Variants in LDLRAP1 observed in about 807,000 individuals in gnomAD.
The protein encoded by LDLRAP1 is low density lipoprotein receptor adaptor protein 1.
In LDLRAP1, 30 loss-of-function variants were observed where a neutral mutation model predicts 37.8. The ratio of observed to expected loss-of-function variants is 0.79; its 90% confidence interval spans 0.59 to 1.08. LDLRAP1 has a LOEUF of 1.08. LDLRAP1 is among the 50% of genes least tolerant of loss of function. LDLRAP1 has a pLI of 0.00. For missense variants in LDLRAP1, 375 were observed against 401.6 expected (o/e 0.93, Z 0.57); for synonymous variants, 156 against 169.8 (o/e 0.92, Z 0.63).
rs1557700977 is a variant in LDLRAP1 at position 25,554,853 on chromosome 1, T to C, written c.232-7T>C. 6.2e-7 allele frequency: 1 copy of C among 1,612,326 alleles called. No individual in the cohort carries two copies. The highest frequency in any genetic ancestry group is 1.3e-5 in the African/African-American group (1 of 74,894). On this transcript the variant is annotated splice_polypyrimidine_tract_variant and splice_region_variant and intron_variant, in intron 2 of 8. Coordinates refer to ENST00000374338, the MANE Select transcript of LDLRAP1 (RefSeq NM_015627.3). The surrounding 1 kb of genome is among the most constrained non-coding windows in gnomAD (Gnocchi z 5.4). ...GCAGACTCCTCTGACTCCTGTCTGCTCCCAAGGCTAAGGCCAGTGGGAAGA... is the reference window on the plus strand; with the variant it reads ...GCAGACTCCTCTGACTCCTGTCTGCCCCCAAGGCTAAGGCCAGTGGGAAGA...
chr1:25,556,952 T>A (rs1333568559), intron 3 of LDLRAP1, among the ~76,000 whole-genome samples: 2 of 152,150 alleles, frequency 1.3e-5, no homozygotes, highest in African/African-American at 4.8e-5. Context: ...CCCCATTCCT[T>A]CCTTCCTGCC....
At chr1:25,584,376 G>A in the LDLRAP1 span, among the ~76,000 whole-genome samples, 1 of 151,884 alleles carries the variant, frequency 6.6e-6, no homozygotes, top group Non-Finnish European at 1.5e-5. Flanking sequence ...GTTCTCTGCT[G>A]GCCTCAGCAA....
chr1:25,587,135 C>T, the LDLRAP1 span, among the ~76,000 whole-genome samples: 1 of 152,044 alleles, frequency 6.6e-6, no homozygotes, highest in Non-Finnish European at 1.5e-5. Flanking sequence ...TCATGATTCA[C>T]TTCTATTTTG....
downstream of LDLRAP1, among the ~76,000 whole-genome samples, chr1:25,570,022 C>T (rs1287914212): frequency 6.6e-6 from 1 of 152,250 alleles, no homozygotes; most frequent in Non-Finnish European, 1.5e-5. Context: ...TTCCCCAGGC[C>T]TCTGCCCCTC....
the LDLRAP1 span, among the ~76,000 whole-genome samples, chr1:25,582,380 A>T: frequency 3.9e-3 from 592 of 152,150 alleles, 10 homozygotes; most frequent in Non-Finnish European, 2.6e-3. Context: ...AGATATGGAG[A>T]TCGAGACCAT....
At chr1:25,573,373 C>T (rs1024417122), downstream of LDLRAP1, among the ~76,000 whole-genome samples, 3 of 152,146 alleles carry the variant, frequency 2.0e-5, no homozygotes, top group Non-Finnish European at 2.9e-5. Flanking sequence ...CCTGGCAGGG[C>T]GAGGGTGCAG....
chr1:25,567,436 A>AT lies in LDLRAP1; in HGVS notation c.*449dup, dbSNP rs397860393. On this transcript the variant is annotated 3_prime_UTR_variant, in exon 9 of 9. Transcript: ENST00000374338. ...TCCTGAAAGCTGTTGGATTTCAGTGATTTTTCCCCCCACCCCCCAGCACAG... is the reference window on the plus strand; with the variant it reads ...TCCTGAAAGCTGTTGGATTTCAGTGATTTTTTCCCCCCACCCCCCAGCACAG... 8 of 303,784 alleles carry AT rather than the reference A, an allele frequency of 2.6e-5. No homozygotes were observed. The highest frequency in any genetic ancestry group is 1.1e-4 in the African/African-American group (5 of 44,648). The allele number at this position is 303,784 out of a possible 1,614,324, so 18.8% of individuals were successfully genotyped here.
At chr1:25,560,518 A>G (rs2044318299) in intron 4 of LDLRAP1, among the ~76,000 whole-genome samples, 1 of 152,154 alleles carries the variant, frequency 6.6e-6, no homozygotes, top group South Asian at 2.1e-4. Context: ...TGAAGGTGTC[A>G]TGCAGGTGCT....
At chr1:25,549,294 G>A (rs2044012967) in intron 1 of LDLRAP1, among the ~76,000 whole-genome samples, 1 of 152,222 alleles carries the variant, frequency 6.6e-6, no homozygotes, top group South Asian at 2.1e-4. Flanking sequence ...TCTGGCCTCT[G>A]AGGCCATCTC....
chr1:25,557,393 C>T, intron 4 of LDLRAP1, 126 bp downstream of exon 4: 1 of 746,680 alleles, frequency 1.3e-6, no homozygotes, highest in South Asian at 1.6e-5. Context: ...AGGGTGAAAT[C>T]TCTGGGAACC....
the LDLRAP1 span, among the ~76,000 whole-genome samples, chr1:25,574,304 G>A: frequency 6.6e-6 from 1 of 152,226 alleles, no homozygotes; most frequent in Non-Finnish European, 1.5e-5. Flanking sequence ...GCAGGGCTCA[G>A]TGTGGGGTCT....
chr1:25,557,463 C>T (rs896386089), intron 4 of LDLRAP1, 196 bp downstream of exon 4: 19 of 602,346 alleles, frequency 3.2e-5, no homozygotes, highest in East Asian at 8.4e-5. Context: ...GCAGGTGAAC[C>T]GCCGGTCAGC....
intron 1 of LDLRAP1, among the ~76,000 whole-genome samples, chr1:25,550,343 C>T (rs1029888750): frequency 5.9e-5 from 9 of 152,164 alleles, no homozygotes; most frequent in Admixed American, 5.2e-4. Context: ...AGCATTGGAG[C>T]TGATATCTTA....
the LDLRAP1 span, among the ~76,000 whole-genome samples, chr1:25,576,383 G>A: frequency 4.6e-5 from 7 of 151,784 alleles, no homozygotes; most frequent in Admixed American, 2.0e-4. Context: ...AAAATAAGCC[G>A]GGTGTGGTGG....
rs2124706777 is a variant in LDLRAP1, at chr1:25,568,766, C to T, written c.*1774C>T. ...GAGCCACGCTGGCCTTCGTCTCCATCTCTGGTTGACGGGCTGTCCGTGTGC... is the reference window on the plus strand; with the variant it reads ...GAGCCACGCTGGCCTTCGTCTCCATTTCTGGTTGACGGGCTGTCCGTGTGC... On this transcript the variant is annotated 3_prime_UTR_variant, in exon 9 of 9. Coordinates refer to ENST00000374338, the MANE Select transcript of LDLRAP1 (RefSeq NM_015627.3). 2 of 152,396 alleles carry T rather than the reference C, an allele frequency of 1.3e-5. No individual in the cohort carries two copies. Among genetic ancestry groups the T allele is most frequent in the South Asian group, 4.1e-4 (2 of 4,828 alleles). The allele number at this position is 152,396 out of a possible 1,614,324, so 9.4% of individuals were successfully genotyped here.
At chr1:25,578,722 G>A in the LDLRAP1 span, among the ~76,000 whole-genome samples, 1 of 152,126 alleles carries the variant, frequency 6.6e-6, no homozygotes, top group Non-Finnish European at 1.5e-5. Flanking sequence ...TCACCATGTT[G>A]CCCAGGCTGG....
At chr1:25,579,540 T>C in the LDLRAP1 span, among the ~76,000 whole-genome samples, 575 of 152,326 alleles carry the variant, frequency 3.8e-3, 3 homozygotes, top group Non-Finnish European at 5.1e-3. Context: ...GATAAGAGAA[T>C]TGTTTTCAGC....
chr1:25,547,507 A>G (rs1023544651), intron 1 of LDLRAP1, among the ~76,000 whole-genome samples: 32 of 151,642 alleles, frequency 2.1e-4, no homozygotes, highest in African/African-American at 7.5e-4. Context: ...TAAATAAATA[A>G]ATAAATAAAT....
At chr1:25,586,362 T>C in the LDLRAP1 span, among the ~76,000 whole-genome samples, 1 of 152,156 alleles carries the variant, frequency 6.6e-6, no homozygotes, top group Non-Finnish European at 1.5e-5. This position sits in a 1 kb window ranked among gnomAD's most constrained non-coding sequence, Gnocchi z 4.3. Flanking sequence ...TGGGCCTGCC[T>C]GAGAGCTGAT....
Sources: allele counts gnomAD v4.1 joint callset (sites outside exome capture counted in the v4.1 genomes callset), GRCh38; gene constraint gnomAD v4.1.1; non-coding constraint Gnocchi (gnomAD v3.1); transcripts MANE v1.5; gene names NCBI Gene and HGNC (gene_info 2026-07-23, HGNC 2026-07-21).